Variants in SPG7 observed in about 807,000 individuals in gnomAD.
SPG7 encodes the protein mitochondrial inner membrane m-AAA protease component paraplegin.
SPG7 carries 103 observed loss-of-function variants against 81.9 expected under a neutral mutation model. That is an observed-to-expected ratio of 1.26 (90% confidence interval 1.07 to 1.48). SPG7 has a LOEUF of 1.48. SPG7 is among the 40% of genes most tolerant of loss of function. The pLI, the probability that SPG7 is intolerant of heterozygous loss-of-function variation, is 0.00. For synonymous variants in SPG7, 534 were observed against 444.2 expected (o/e 1.20, Z -2.54); for missense variants, 1,241 against 1,087.3 (o/e 1.14, Z -1.99).
chr16:89,553,358 C>T lies in SPG7; in HGVS notation c.1936+223C>T, dbSNP rs1008594914. Reference sequence around the variant, plus strand: ...ACTTAACCTATATGCCAACTCTAGACACATTTAATTGGTTAATTGTTGGTA... The same window carrying T: ...ACTTAACCTATATGCCAACTCTAGATACATTTAATTGGTTAATTGTTGGTA... On this transcript the variant is annotated intron_variant, in intron 14 of 16. Transcript: ENST00000645818. 4 of 592,366 alleles carry T rather than the reference C, an allele frequency of 6.8e-6. No homozygotes were observed. The Admixed American group carries it at 8.5e-5, about 13-fold the overall frequency. 36.7% of individuals were successfully genotyped at this position (592,366 alleles called of 1,614,324 possible).
chr16:89,557,486 C>T lies in SPG7; in HGVS notation c.*393C>T, dbSNP rs2058699604. On this transcript the variant is annotated 3_prime_UTR_variant, in exon 17 of 17. Transcript: ENST00000645818. ...CACGACCGCCCCAGTTCCTGTGGCT[C>T]CCTCGGAATGCTAAGGGGATCGGAC... 3.6e-6 allele frequency: 1 copy of T among 279,702 alleles called. No individual in the cohort carries two copies. Among genetic ancestry groups the T allele is most frequent in the Non-Finnish European group, 7.0e-6 (1 of 142,720 alleles). The allele number at this position is 279,702 out of a possible 1,614,324, so 17.3% of individuals were successfully genotyped here. A position where few individuals can be genotyped will look rare whatever the true frequency, so the allele number is the denominator to read the frequency against.
At chr16:89,553,765 G>A (rs781680992) in intron 14 of SPG7, 29 bp from the exon 15 acceptor site, 1 of 1,612,292 alleles carries the variant, frequency 6.2e-7, no homozygotes, top group Non-Finnish European at 8.5e-7. Flanking sequence ...CAGTGCTGAG[G>A]ATGCCTCTGT....
Position 89,553,152 on chromosome 16 carries a change from C to T in SPG7, c.1936+17C>T, listed in dbSNP as rs770500045. On this transcript the variant is annotated intron_variant, in intron 14 of 16. Coordinates refer to ENST00000645818, the MANE Select transcript of SPG7 (RefSeq NM_003119.4). ...TCACTTCTGGTGAGGAGCAGCGGCG[C>T]GGGCCCTGGAGGTTTCAGAGCGCTT... 25 of 1,585,438 alleles carry T rather than the reference C, an allele frequency of 1.6e-5. No homozygotes were observed. The African/African-American group carries it at 1.8e-4, about 11-fold the overall frequency.
At chr16:89,536,278 G>C (rs1234074676) in intron 9 of SPG7, among the ~76,000 whole-genome samples, 218 of 113,950 alleles carry the variant, frequency 1.9e-3, no homozygotes, top group Admixed American at 2.7e-3. Context: ...GTGGCCTTCA[G>C]TGTGGCCTCT....
chr16:89,514,778 G>T (rs1053750603), intron 3 of SPG7, among the ~76,000 whole-genome samples: 1 of 152,018 alleles, frequency 6.6e-6, no homozygotes, highest in South Asian at 2.1e-4. Flanking sequence ...GATTACAGGC[G>T]TGAGCCACCG....
chr16:89,530,715 G>A lies in SPG7; in HGVS notation c.894G>A (p.Val298=), dbSNP rs2058329847. ...NQLKMARFTI[V]DGKMGKGVSF... is the part of the protein sequence containing the mutation. Reference sequence around the variant, plus strand: ...TTAAAATGGCTCGTTTCACCATTGTGGATGGGAAGATGGGGAAAGGAGTCA... The same window carrying A: ...TTAAAATGGCTCGTTTCACCATTGTAGATGGGAAGATGGGGAAAGGAGTCA... The change falls in exon 7 of 17, where the codon GTG becomes GTA. Residue 298 remains valine (V), a synonymous_variant. Transcript: ENST00000645818. 6.2e-7 allele frequency: 1 copy of A among 1,614,040 alleles called. No homozygotes were observed. The highest frequency in any genetic ancestry group is 8.5e-7 in the Non-Finnish European group (1 of 1,180,034).
At chr16:89,546,024 T>G in intron 10 of SPG7, 1 of 383,246 alleles carries the variant, frequency 2.6e-6, no homozygotes, top group Non-Finnish European at 5.2e-6. Flanking sequence ...CTCGCTGTGT[T>G]GCCAAGGCTG....
At chr16:89,550,206 T>G in intron 12 of SPG7, 2 of 387,272 alleles carry the variant, frequency 5.2e-6, no homozygotes, top group Non-Finnish European at 9.9e-6. Flanking sequence ...GGAGTCTTGC[T>G]CTGTCGCCCA....
In SPG7 at chr16:89,553,003, G is replaced by A. The variant is rs754771891; in HGVS notation, c.1804G>A (p.Ala602Thr). ...GGTCTCCATAACCCCTCGGACAAAC[G>A]CCGCCCTGGGCTTTGCTCAGATGCT... ...MKVSITPRTN[A>T]ALGFAQMLPR... Residue 602 changes from alanine to threonine, a missense_variant, in exon 14 of 17, where the codon GCC (alanine) becomes ACC (threonine). Ala to Thr is a moderately conservative substitution (Grantham distance 58). Transcript: ENST00000645818. 8.1e-6 allele frequency: 13 copies of A among 1,613,776 alleles called. No individual in the cohort carries two copies. The East Asian group carries it at 1.3e-4, about 17-fold the overall frequency.
At chr16:89,508,643 T>C in intron 1 of SPG7, 43 bp downstream of exon 1, 1 of 1,430,518 alleles carries the variant, frequency 7.0e-7, no homozygotes, top group Non-Finnish European at 9.1e-7. Context: ...CGCCCGGCTC[T>C]GCTCTGTAAG....
chr16:89,531,052 G>C (rs568406086), intron 7 of SPG7: 6 of 599,366 alleles, frequency 1.0e-5, no homozygotes, highest in South Asian at 7.6e-5. Context: ...GCCGTTAGCC[G>C]TCCTGGGCCC....
At chr16:89,548,959 G>A (rs1378455186) in intron 12 of SPG7, 1 of 454,530 alleles carries the variant, frequency 2.2e-6, no homozygotes, top group Non-Finnish European at 4.4e-6. Context: ...TGAATTCCTA[G>A]CACGAACACG....
Position 89,550,135 on chromosome 16 carries a change from AG to A in SPG7, c.1664-356del, listed in dbSNP as rs1458078079. 4 of 352,810 alleles carry A rather than the reference AG, an allele frequency of 1.1e-5. No homozygotes were observed. The East Asian group carries it at 3.0e-4, about 26-fold the overall frequency. The allele number at this position is 352,810 out of a possible 1,614,324, so 21.9% of individuals were successfully genotyped here. On this transcript the variant is annotated intron_variant, in intron 12 of 16. Coordinates refer to ENST00000645818, the MANE Select transcript of SPG7 (RefSeq NM_003119.4). ...CACGGGGCAGGAGCAGGGCCCAGCC[AG>A]GGAGAGGCCGGGGTCTCAGCTCACC...
intron 16 of SPG7, 64 bp from the exon 17 acceptor site, chr16:89,556,823 C>T (rs2058691242): frequency 3.7e-6 from 5 of 1,338,580 alleles, no homozygotes; most frequent in Non-Finnish European, 5.4e-6. Context: ...TGCCACCTCC[C>T]CAGGACATAG....
At chr16:89,525,478 T>C (rs992452155) in intron 4 of SPG7, among the ~76,000 whole-genome samples, 1 of 152,198 alleles carries the variant, frequency 6.6e-6, no homozygotes, top group Non-Finnish European at 1.5e-5. Context: ...AATTCTGTCT[T>C]AGCAGTTTGG....
At chr16:89,529,657 T>C (rs2058314636) in intron 6 of SPG7, 78 bp downstream of exon 6, 16 of 1,074,768 alleles carry the variant, frequency 1.5e-5, no homozygotes, top group Non-Finnish European at 1.8e-5. Context: ...AGCTATACGA[T>C]GAATACACAG....
At chr16:89,539,267 G>A (rs2058467265) in intron 9 of SPG7, 1 of 152,042 alleles carries the variant, frequency 6.6e-6, no homozygotes, top group South Asian at 2.1e-4. Flanking sequence ...TTGCCCGCCG[G>A]GCATGGTGGA....
At chr16:89,528,629 C>T (rs1391501478) in intron 5 of SPG7, 1 of 132,184 alleles carries the variant, frequency 7.6e-6, no homozygotes, top group African/African-American at 2.9e-5. Context: ...TTTTTGGAGT[C>T]AGGGTCTCAC....
chr16:89,553,705 C>T lies in SPG7; in HGVS notation c.1937-89C>T, dbSNP rs780286365. The T allele has an allele frequency of 3.8e-6, 5 of 1,323,296 alleles. No individual in the cohort carries two copies. The South Asian group carries it at 4.7e-5, about 13-fold the overall frequency. The allele number at this position is 1,323,296 out of a possible 1,614,324, so 82.0% of individuals were successfully genotyped here. ...GAGGAAGGGGATGGAGGTGGTGCTG[C>T]CTCAGTGCTCTGACCGGGACACCTG... On this transcript the variant is annotated intron_variant, in intron 14 of 16. Coordinates refer to ENST00000645818, the MANE Select transcript of SPG7 (RefSeq NM_003119.4).
Sources: allele counts gnomAD v4.1 joint callset (sites outside exome capture counted in the v4.1 genomes callset), GRCh38; gene constraint gnomAD v4.1.1; transcripts MANE v1.5; gene names NCBI Gene and HGNC (gene_info 2026-07-23, HGNC 2026-07-21).